ZNF532: variants seen among roughly 807,000 people sequenced by gnomAD.
ZNF532 encodes the protein zinc finger protein 532.
Under a neutral mutation model 89.3 loss-of-function variants are expected in ZNF532, and 22 were observed. The ratio of observed to expected loss-of-function variants is 0.25; its 90% CI spans 0.18 to 0.35. ZNF532 has a LOEUF of 0.35. Ranked by LOEUF, ZNF532 falls within the 10% of genes least tolerant of loss-of-function variation. The probability of loss-of-function intolerance (pLI) is 1.00; values close to 1 mark genes in which losing one functional copy is unlikely to be tolerated. For synonymous variants in ZNF532, 606 were observed against 649.6 expected (o/e 0.93, Z 1.02); for missense variants, 1,132 against 1,643.4 (o/e 0.69, Z 5.38).
chr18:58,984,503 T>C lies in ZNF532; in HGVS notation c.*37T>C, dbSNP rs1254861312. ...CCATGAGGAAAATCCCTGTCCACAT[T>C]GGAATAAAAAAGACATTTTTGTTAC... On this transcript the variant is annotated 3_prime_UTR_variant, in exon 10 of 10. Transcript: ENST00000591808. The C allele has an allele frequency of 4.0e-5, 63 of 1,578,628 alleles. No homozygotes were observed. The highest frequency in any genetic ancestry group is 5.4e-5 in the Non-Finnish European group (63 of 1,164,182).
chr18:58,937,324 C>T (rs72959158), intron 4 of ZNF532, among the ~76,000 whole-genome samples: 14,621 of 152,100 alleles, frequency 0.096, 730 homozygotes, highest in Admixed American at 0.13. Flanking sequence ...CTCTGTTGCC[C>T]CCTGAAATGC....
chr18:58,924,902 C>CT (rs894128160), intron 3 of ZNF532, among the ~76,000 whole-genome samples: 1 of 152,108 alleles, frequency 6.6e-6, no homozygotes. Flanking sequence ...TTAGGATTGG[C>CT]TTTTTTTCAC....
At chr18:58,872,766 C>T (rs887445436) in intron 2 of ZNF532, among the ~76,000 whole-genome samples, 4 of 147,194 alleles carry the variant, frequency 2.7e-5, no homozygotes, top group Non-Finnish European at 5.9e-5. Flanking sequence ...GTGGCGTGAT[C>T]TCGGCTCACT....
chr18:58,985,878 G>A lies in ZNF532; in HGVS notation c.*1412G>A, dbSNP rs1178020879. The A allele has an allele frequency of 6.6e-6, 1 of 150,728 alleles. No individual in the cohort carries two copies. The highest frequency in any genetic ancestry group is 1.5e-5 in the Non-Finnish European group (1 of 67,836). The allele number at this position is 150,728 out of a possible 1,614,324, so 9.3% of individuals were successfully genotyped here. A position where few individuals can be genotyped will look rare whatever the true frequency, so the allele number is the denominator to read the frequency against. On this transcript the variant is annotated 3_prime_UTR_variant, in exon 10 of 10. Coordinates refer to ENST00000591808, the MANE Select transcript of ZNF532 (RefSeq NM_001375912.1). ...TCAAAAGGTCTTGCTGCTGTCAGGT[G>A]TTATGCACTCCATCCATCATAACTG...
intron 7 of ZNF532, among the ~76,000 whole-genome samples, chr18:58,956,152 T>C (rs1212312110): frequency 1.3e-5 from 2 of 152,234 alleles, no homozygotes; most frequent in African/African-American, 4.8e-5. Context: ...TGGGATGAAA[T>C]GTACCACTGA....
At chr18:58,874,200 C>G (rs1375974948) in intron 2 of ZNF532, among the ~76,000 whole-genome samples, 1 of 152,026 alleles carries the variant, frequency 6.6e-6, no homozygotes, top group Non-Finnish European at 1.5e-5. Context: ...CTCCTTGTCG[C>G]TAGAGTTTTA....
intron 9 of ZNF532, among the ~76,000 whole-genome samples, chr18:58,983,489 G>C (rs1459874841): frequency 1.3e-5 from 2 of 152,092 alleles, no homozygotes; most frequent in Non-Finnish European, 2.9e-5. Flanking sequence ...GGCACTCACA[G>C]CTTCCTATGC....
In ZNF532 at chr18:58,953,673, A is replaced by C. The variant is rs1192938846; in HGVS notation, c.3024A>C (p.Pro1008=). 4 of 1,614,026 alleles carry C rather than the reference A, an allele frequency of 2.5e-6. No homozygotes were observed. In the East Asian group the frequency reaches 8.9e-5, roughly 36 times the overall value. Residue 1008 remains proline (P), a synonymous_variant, in exon 7 of 10, where the codon CCA becomes CCC. Coordinates refer to ENST00000591808, the MANE Select transcript of ZNF532 (RefSeq NM_001375912.1). The part of the protein sequence containing the change: ...NGKEKLEKKS[P]SPVKKSMETK... The stretch of plus-strand genomic sequence containing the variant: ...AAGAGAAATTGGAAAAGAAATCTCC[A>C]TCTCCTGTGAAAAAATCAATGGAAA...
chr18:58,961,857 A>G (rs1437719898), intron 7 of ZNF532, among the ~76,000 whole-genome samples: 1 of 152,192 alleles, frequency 6.6e-6, no homozygotes, highest in Non-Finnish European at 1.5e-5. Flanking sequence ...CATGAGTGAA[A>G]TGTCTGCCTA....
At position 58,984,242 on chromosome 18, in the gene ZNF532, T is replaced by C. The variant is rs368090205; in HGVS notation, c.3682T>C (p.Leu1228=). The part of the protein sequence containing the change: ...LSRHLFIVHK[L]KEPQPVSKQN... ...CAGGCACCTCTTCATCGTACACAAGTTAAAGGAACCTCAGCCAGTGTCCAA... is the reference window on the plus strand; with the variant it reads ...CAGGCACCTCTTCATCGTACACAAGCTAAAGGAACCTCAGCCAGTGTCCAA... Residue 1228 remains leucine, a synonymous_variant, in exon 10 of 10, where the codon TTA becomes CTA. Transcript: ENST00000591808. The C allele has an allele frequency of 1.3e-4, 215 of 1,611,762 alleles. No homozygotes were observed. The highest frequency in any genetic ancestry group is 1.8e-4 in the Non-Finnish European group (208 of 1,179,844).
intron 2 of ZNF532, among the ~76,000 whole-genome samples, chr18:58,884,962 A>G (rs542923716): frequency 1.3e-5 from 2 of 151,530 alleles, no homozygotes; most frequent in South Asian, 4.2e-4. Context: ...ATGAATCAGT[A>G]AGCTACCAGT....
intron 6 of ZNF532, among the ~76,000 whole-genome samples, chr18:58,952,480 C>T (rs763788921): frequency 6.6e-5 from 10 of 152,164 alleles, no homozygotes; most frequent in African/African-American, 1.2e-4. Context: ...TTGTAGCTCA[C>T]TGTAACCTTG....
intron 7 of ZNF532, among the ~76,000 whole-genome samples, chr18:58,966,738 G>GTTTTTTTTTTTT (rs540133909): frequency 1.4e-4 from 18 of 125,976 alleles, no homozygotes; most frequent in East Asian, 5.6e-4. Flanking sequence ...ATTTTTTTGT[G>GTTTTTTTTTTTT]TTTTTTTTTT....
intron 2 of ZNF532, among the ~76,000 whole-genome samples, chr18:58,913,017 C>T (rs553932812): frequency 6.6e-6 from 1 of 152,234 alleles, no homozygotes; most frequent in East Asian, 1.9e-4. Flanking sequence ...GTAGCTGAAC[C>T]GATTTGGTGT....
intron 2 of ZNF532, among the ~76,000 whole-genome samples, chr18:58,911,268 C>T (rs11659203): frequency 0.2 from 30,367 of 152,250 alleles, 4,089 homozygotes; most frequent in Middle Eastern, 0.37. Context: ...AGACCAAGCT[C>T]ACTGTGGAGG....
At chr18:58,946,700 A>T (rs2063692017) in intron 5 of ZNF532, among the ~76,000 whole-genome samples, 1 of 152,214 alleles carries the variant, frequency 6.6e-6, no homozygotes, top group South Asian at 2.1e-4. Context: ...ACAAATGATT[A>T]GTATACAACA....
chr18:58,942,516 G>C (rs932832975), intron 5 of ZNF532, among the ~76,000 whole-genome samples: 1 of 151,968 alleles, frequency 6.6e-6, no homozygotes, highest in Non-Finnish European at 1.5e-5. Context: ...TAAGTTAATC[G>C]CATGGATTCA....
chr18:58,895,858 T>C (rs987357180), intron 2 of ZNF532, among the ~76,000 whole-genome samples: 14 of 114,678 alleles, frequency 1.2e-4, no homozygotes, highest in Non-Finnish European at 3.3e-5. Flanking sequence ...TCTTTCTTTC[T>C]TTTTTTTTTT....
intron 4 of ZNF532, among the ~76,000 whole-genome samples, chr18:58,939,074 C>T (rs919292389): frequency 6.6e-5 from 10 of 151,496 alleles, no homozygotes; most frequent in Non-Finnish European, 1.3e-4. Context: ...TGGCGAAACC[C>T]CATCTCTACT....
Sources: gnomAD v4.1 joint callset for allele counts (sites outside exome capture counted in the v4.1 genomes callset) on GRCh38, gnomAD v4.1.1 for gene constraint, MANE v1.5 for transcripts, NCBI Gene and HGNC (gene_info 2026-07-23, HGNC 2026-07-21) for gene names.